Variants in CFAP95 observed in about 807,000 individuals in gnomAD.
CFAP95 encodes cilia and flagella associated protein 95.
At chr9:69,882,818 AT>A in the CFAP95 span, among the ~76,000 whole-genome samples, 6 of 152,104 alleles carry the variant, frequency 3.9e-5, no homozygotes, top group East Asian at 1.9e-4. Flanking sequence ...ATGATGAATG[AT>A]TTTTTTAACG....
At chr9:69,905,110 A>G in the CFAP95 span, among the ~76,000 whole-genome samples, 2 of 152,182 alleles carry the variant, frequency 1.3e-5, no homozygotes, top group Non-Finnish European at 2.9e-5. Flanking sequence ...CTAACCCATA[A>G]TAGGCACTCA....
At chr9:69,847,617 G>T in the CFAP95 span, among the ~76,000 whole-genome samples, 521 of 152,276 alleles carry the variant, frequency 3.4e-3, 1 homozygote, top group African/African-American at 0.012. Flanking sequence ...TTGGGGCTTT[G>T]ATTTCTTACA....
chr9:69,823,376 G>A, the CFAP95 span, among the ~76,000 whole-genome samples: 1 of 152,168 alleles, frequency 6.6e-6, no homozygotes, highest in African/African-American at 2.4e-5. Flanking sequence ...TGGGGACACA[G>A]AGTCAAACCG....
chr9:69,866,689 C>G, the CFAP95 span, among the ~76,000 whole-genome samples: 2 of 152,226 alleles, frequency 1.3e-5, no homozygotes, highest in African/African-American at 4.8e-5. Flanking sequence ...TCTGGGCTAT[C>G]TGGGCATTCT....
the CFAP95 span, among the ~76,000 whole-genome samples, chr9:69,904,161 A>G: frequency 6.6e-6 from 1 of 152,068 alleles, no homozygotes; most frequent in Non-Finnish European, 1.5e-5. Flanking sequence ...ATTTCAGGAC[A>G]TTTTTGTCAC....
the CFAP95 span, among the ~76,000 whole-genome samples, chr9:69,894,236 A>G: frequency 6.6e-6 from 1 of 152,192 alleles, no homozygotes; most frequent in African/African-American, 2.4e-5. Flanking sequence ...GTCTCATGTC[A>G]TTCTGCCAGC....
the CFAP95 span, among the ~76,000 whole-genome samples, chr9:69,876,976 A>G: frequency 1.3e-5 from 2 of 152,198 alleles, no homozygotes; most frequent in African/African-American, 4.8e-5. Context: ...CCAGTCTATG[A>G]CTTTTCTGAA....
the CFAP95 span, among the ~76,000 whole-genome samples, chr9:69,877,828 A>G: frequency 6.6e-6 from 1 of 152,128 alleles, no homozygotes; most frequent in African/African-American, 2.4e-5. Flanking sequence ...TCTCTAGTGC[A>G]TTATTGAATA....
chr9:69,856,523 A>G, the CFAP95 span: 2 of 1,365,678 alleles, frequency 1.5e-6, no homozygotes, highest in Non-Finnish European at 2.0e-6. Flanking sequence ...GTGAAAATTC[A>G]TTTTTCTTAT....
the CFAP95 span, among the ~76,000 whole-genome samples, chr9:69,866,214 T>C: frequency 6.6e-6 from 1 of 152,188 alleles, no homozygotes; most frequent in Non-Finnish European, 1.5e-5. Context: ...TAGTCAGTAT[T>C]CTCCGAGAAA....
the CFAP95 span, among the ~76,000 whole-genome samples, chr9:69,836,625 G>A: frequency 6.8e-6 from 1 of 147,596 alleles, no homozygotes; most frequent in Admixed American, 6.7e-5. Flanking sequence ...AAATAATAGA[G>A]AATAAAAAGT....
At chr9:69,904,752 C>A in the CFAP95 span, among the ~76,000 whole-genome samples, 1 of 152,196 alleles carries the variant, frequency 6.6e-6, no homozygotes, top group African/African-American at 2.4e-5. Context: ...ACCTACCCAC[C>A]AAGCAACCAA....
the CFAP95 span, among the ~76,000 whole-genome samples, chr9:69,873,410 G>GTTTT: frequency 3.2e-3 from 484 of 151,204 alleles, 5 homozygotes; most frequent in African/African-American, 0.011. Context: ...CTCAACCTAA[G>GTTTT]TTTTTTTGTT....
At chr9:69,875,414 A>G in the CFAP95 span, among the ~76,000 whole-genome samples, 1 of 152,044 alleles carries the variant, frequency 6.6e-6, no homozygotes, top group Non-Finnish European at 1.5e-5. Flanking sequence ...TTTATATTCT[A>G]ATTTTATTTT....
At chr9:69,845,673 G>A in the CFAP95 span, among the ~76,000 whole-genome samples, 1 of 152,146 alleles carries the variant, frequency 6.6e-6, no homozygotes, top group African/African-American at 2.4e-5. Context: ...TTATCATAAA[G>A]TGACAGCTGC....
chr9:69,884,203 A>G, the CFAP95 span, among the ~76,000 whole-genome samples: 1 of 152,096 alleles, frequency 6.6e-6, no homozygotes, highest in Non-Finnish European at 1.5e-5. Flanking sequence ...ATATATTTTT[A>G]TGTATTTTTA....
the CFAP95 span, among the ~76,000 whole-genome samples, chr9:69,897,288 T>TGGGGAA: frequency 8.7e-4 from 133 of 152,316 alleles, no homozygotes; most frequent in African/African-American, 3.0e-3. Context: ...ATAGGCATAC[T>TGGGGAA]GGGGAAGAAT....
chr9:69,866,231 C>T, the CFAP95 span, among the ~76,000 whole-genome samples: 1 of 152,146 alleles, frequency 6.6e-6, no homozygotes. Flanking sequence ...GAAACAGAAC[C>T]AATATGATAT....
At chr9:69,862,636 T>C in the CFAP95 span, among the ~76,000 whole-genome samples, 1 of 152,212 alleles carries the variant, frequency 6.6e-6, no homozygotes, top group Non-Finnish European at 1.5e-5. Context: ...AGAAAGACTG[T>C]AATCATAAGG....
Sources: allele counts gnomAD v4.1 joint callset (sites outside exome capture counted in the v4.1 genomes callset), GRCh38; gene constraint gnomAD v4.1.1; transcripts MANE v1.5; gene names NCBI Gene and HGNC (gene_info 2026-07-23, HGNC 2026-07-21).